Variants in KCND3 observed in about 807,000 individuals in gnomAD.
KCND3 encodes A-type voltage-gated potassium channel KCND3.
In KCND3, 9 loss-of-function variants were observed where a neutral mutation model predicts 51.1. That is an observed-to-expected ratio of 0.18 (90% CI 0.11 to 0.31). The LOEUF (loss-of-function observed/expected upper bound fraction) is 0.31. KCND3 is among the 10% of genes least tolerant of loss of function. The pLI is 1.00. For synonymous variants in KCND3, 349 were observed against 368.0 expected, an observed-to-expected ratio of 0.95 and a Z score of 0.59; for missense variants, 526 against 903.8, an observed-to-expected ratio of 0.58 and a Z score of 5.36.
chr1:111,835,729 C>A (rs1377426228), intron 2 of KCND3, among the ~76,000 whole-genome samples: 3 of 152,238 alleles, frequency 2.0e-5, no homozygotes, highest in Non-Finnish European at 4.4e-5. Flanking sequence ...GACATCCCTG[C>A]CCTTTTCCCA....
At chr1:111,921,375 G>A (rs1671469820) in intron 2 of KCND3, among the ~76,000 whole-genome samples, 1 of 152,196 alleles carries the variant, frequency 6.6e-6, no homozygotes, top group Admixed American at 6.5e-5. Flanking sequence ...CTTGGGTCAA[G>A]GCCAGGCGGT....
chr1:111,876,111 C>A (rs1426814119), intron 2 of KCND3, among the ~76,000 whole-genome samples: 1 of 152,176 alleles, frequency 6.6e-6, no homozygotes, highest in East Asian at 1.9e-4. Context: ...CTCCTTAGGT[C>A]ACGTTTATAT....
At chr1:111,944,022 A>G (rs140788449) in intron 2 of KCND3, among the ~76,000 whole-genome samples, 4 of 152,396 alleles carry the variant, frequency 2.6e-5, no homozygotes, top group African/African-American at 9.6e-5. Flanking sequence ...TCAGGAAAGC[A>G]TAAAGACAGC....
intron 2 of KCND3, among the ~76,000 whole-genome samples, chr1:111,859,259 T>G (rs953834215): frequency 1.1e-4 from 13 of 115,678 alleles, no homozygotes; most frequent in African/African-American, 3.9e-4. Context: ...TTTGAAGTTC[T>G]TCTTCTCCCA....
At chr1:111,802,199 A>G (rs566997265) in intron 2 of KCND3, among the ~76,000 whole-genome samples, 1 of 152,232 alleles carries the variant, frequency 6.6e-6, no homozygotes, top group Non-Finnish European at 1.5e-5. Flanking sequence ...GGCTGCTCAC[A>G]TCATCGGCTT....
chr1:111,913,447 C>A (rs1671057489), intron 2 of KCND3, among the ~76,000 whole-genome samples: 8 of 152,170 alleles, frequency 5.3e-5, no homozygotes, highest in Admixed American at 5.2e-4. Flanking sequence ...TAGCCCTAAA[C>A]AAAAGGCAGT....
intron 2 of KCND3, among the ~76,000 whole-genome samples, chr1:111,806,053 G>A (rs1323862822): frequency 1.3e-5 from 2 of 152,250 alleles, no homozygotes; most frequent in African/African-American, 4.8e-5. Flanking sequence ...GACATCTCAC[G>A]GCTCCCACCA....
intron 2 of KCND3, among the ~76,000 whole-genome samples, chr1:111,870,239 G>A (rs542579140): frequency 6.6e-6 from 1 of 152,348 alleles, no homozygotes; most frequent in Admixed American, 6.5e-5. Context: ...TACTGCCACA[G>A]CTCCAACTAA....
intron 2 of KCND3, among the ~76,000 whole-genome samples, chr1:111,813,140 A>G (rs1428179307): frequency 2.6e-5 from 4 of 152,072 alleles, no homozygotes; most frequent in Non-Finnish European, 5.9e-5. Context: ...AGTGCCCTCC[A>G]TGTGGGAGTG....
At chr1:111,865,731 G>A (rs1169380737) in intron 2 of KCND3, among the ~76,000 whole-genome samples, 2 of 152,118 alleles carry the variant, frequency 1.3e-5, no homozygotes, top group Non-Finnish European at 2.9e-5. Flanking sequence ...TTGTGACAAG[G>A]TCTTACTCTG....
At chr1:111,955,527 T>A (rs1673287714) in intron 2 of KCND3, among the ~76,000 whole-genome samples, 1 of 152,114 alleles carries the variant, frequency 6.6e-6, no homozygotes, top group Non-Finnish European at 1.5e-5. Flanking sequence ...GGGGCCACAT[T>A]TCTGTTTTTG....
At chr1:111,884,224 T>A (rs1365006289) in intron 2 of KCND3, among the ~76,000 whole-genome samples, 1 of 152,180 alleles carries the variant, frequency 6.6e-6, no homozygotes, top group African/African-American at 2.4e-5. Context: ...AACTCCTTCT[T>A]TAAAGTTTCA....
intron 2 of KCND3, among the ~76,000 whole-genome samples, chr1:111,946,535 C>G (rs1009742668): frequency 6.6e-6 from 1 of 152,172 alleles, no homozygotes; most frequent in Non-Finnish European, 1.5e-5. Flanking sequence ...TTCAAAGCCT[C>G]CAGCCCCAGG....
intron 2 of KCND3, among the ~76,000 whole-genome samples, chr1:111,966,500 T>G (rs1364895788): frequency 4.6e-5 from 7 of 152,096 alleles, no homozygotes; most frequent in Admixed American, 4.6e-4. Flanking sequence ...CCATTCATGC[T>G]GCAAACGTCC....
intron 2 of KCND3, among the ~76,000 whole-genome samples, chr1:111,904,102 T>G (rs943563953): frequency 7.9e-5 from 12 of 151,508 alleles, no homozygotes; most frequent in African/African-American, 2.2e-4. Flanking sequence ...TTTGTTTTTT[T>G]TTTTTTTGTC....
intron 2 of KCND3, among the ~76,000 whole-genome samples, chr1:111,881,496 A>G (rs938130856): frequency 6.6e-6 from 1 of 152,194 alleles, no homozygotes; most frequent in African/African-American, 2.4e-5. Context: ...CTGTCACCAG[A>G]CACATTTGTT....
At chr1:111,962,354 C>T (rs746121658) in intron 2 of KCND3, among the ~76,000 whole-genome samples, 9 of 152,184 alleles carry the variant, frequency 5.9e-5, no homozygotes, top group South Asian at 2.1e-4. Flanking sequence ...CAGCACAGGG[C>T]GCTGCTGAGA....
At chr1:111,781,581 G>A (rs939689041) in intron 3 of KCND3, among the ~76,000 whole-genome samples, 2 of 152,110 alleles carry the variant, frequency 1.3e-5, no homozygotes, top group Non-Finnish European at 2.9e-5. Context: ...GTGCAGTAGC[G>A]TGATCTCGGC....
At chr1:111,862,702 C>T (rs1668392194) in intron 2 of KCND3, among the ~76,000 whole-genome samples, 2 of 152,256 alleles carry the variant, frequency 1.3e-5, no homozygotes, top group African/African-American at 2.4e-5. Flanking sequence ...TCCCTTACCT[C>T]AGTTCCCTTC....
Sources: allele counts gnomAD v4.1 joint callset (sites outside exome capture counted in the v4.1 genomes callset), GRCh38; gene constraint gnomAD v4.1.1; transcripts MANE v1.5; gene names NCBI Gene and HGNC (gene_info 2026-07-23, HGNC 2026-07-21).